SP1: variants seen among roughly 807,000 people sequenced by gnomAD.
SP1 encodes the protein transcription factor Sp1.
A neutral mutation model predicts 66.3 loss-of-function variants in SP1; 6 were observed. The observed-to-expected ratio is 0.09, with a 90% CI of 0.05 to 0.18. SP1 has a LOEUF of 0.18. Among genes scored for constraint, SP1 ranks in the 10% least tolerant of loss-of-function variants. SP1 has a pLI of 1.00. For synonymous variants in SP1, 417 were observed against 360.8 expected (o/e 1.16, Z -1.77); for missense variants, 848 against 964.5 (o/e 0.88, Z 1.60).
intron 3 of SP1, among the ~76,000 whole-genome samples, chr12:53,403,800 G>T (rs771881485): frequency 6.6e-6 from 1 of 152,068 alleles, no homozygotes; most frequent in Non-Finnish European, 1.5e-5. Flanking sequence ...GAACATTTTG[G>T]GGGGCTGAGG....
At chr12:53,390,791 T>G (rs1565810787) in intron 3 of SP1, among the ~76,000 whole-genome samples, 1 of 152,232 alleles carries the variant, frequency 6.6e-6, no homozygotes, top group Admixed American at 6.5e-5. Flanking sequence ...GCTTTCTCTT[T>G]ATAAATGACG....
chr12:53,408,472 A>G (rs1938801731), intron 4 of SP1, among the ~76,000 whole-genome samples: 1 of 151,018 alleles, frequency 6.6e-6, no homozygotes. Context: ...TGTATTTTTT[A>G]GTACAGATGA....
rs1454500773 is a variant in SP1 at position 53,411,571 on chromosome 12, C to G, written c.*331C>G. 1.1e-5 allele frequency: 2 copies of G among 189,568 alleles called. No homozygotes were observed. Among genetic ancestry groups the G allele is most frequent in the East Asian group, 1.3e-4 (1 of 7,722 alleles). 11.7% of individuals were successfully genotyped at this position (189,568 alleles called of 1,614,324 possible). Reference sequence around the variant, plus strand: ...TCTCAGCTCTTCCATGATGGATTCCCCCCCCTTTCCTAAAGCCATCATGCC... The same window carrying G: ...TCTCAGCTCTTCCATGATGGATTCCGCCCCCTTTCCTAAAGCCATCATGCC... On this transcript the variant is annotated 3_prime_UTR_variant, in exon 6 of 6. Transcript: ENST00000327443.
intron 5 of SP1, among the ~76,000 whole-genome samples, chr12:53,410,519 T>C (rs1418288620): frequency 6.6e-6 from 1 of 151,916 alleles, no homozygotes; most frequent in African/African-American, 2.4e-5. Context: ...GTTTTTTGTT[T>C]TTTTTTTGAG....
chr12:53,406,806 G>A (rs1414224684), intron 4 of SP1, 53 bp downstream of exon 4: 3 of 1,468,786 alleles, frequency 2.0e-6, no homozygotes, highest in Non-Finnish European at 2.8e-6. Flanking sequence ...TAATAGATTT[G>A]GAGATAAGAG....
intron 3 of SP1, among the ~76,000 whole-genome samples, chr12:53,391,318 C>A (rs1565810978): frequency 6.9e-6 from 1 of 144,972 alleles, no homozygotes; most frequent in Admixed American, 6.9e-5. Context: ...CCTTAGAAGA[C>A]TGAGAACTTT....
intron 3 of SP1, among the ~76,000 whole-genome samples, chr12:53,394,607 C>CTTTTTTTTTTTTTTTTTTTTTTT: frequency 1.7e-5 from 1 of 58,152 alleles, no homozygotes. Flanking sequence ...GAGATAAGGT[C>CTTTTTTTTTTTTTTTTTTTTTTT]TTTTTTTTTT....
chr12:53,406,128 A>G (rs890115229), intron 3 of SP1, among the ~76,000 whole-genome samples: 2 of 144,976 alleles, frequency 1.4e-5, no homozygotes, highest in African/African-American at 2.6e-5. Flanking sequence ...CTGGAGTACA[A>G]TGGTGCAGTC....
In SP1 at chr12:53,406,764, C is replaced by T. The variant is rs752271111; in HGVS notation, c.1844+11C>T. 11 of 1,605,018 alleles carry T rather than the reference C, an allele frequency of 6.9e-6. No individual in the cohort carries two copies. Among genetic ancestry groups the T allele is most frequent in the Non-Finnish European group, 9.4e-6 (11 of 1,174,868 alleles). On this transcript the variant is annotated intron_variant, in intron 4 of 5. Transcript: ENST00000327443. ...AGACAGTGAAGGAAGGTGAGTTGAC[C>T]CAGCCAGTTTCTTACAAATATAAAG...
chr12:53,391,322 G>A (rs945260974), intron 3 of SP1, among the ~76,000 whole-genome samples: 3 of 141,424 alleles, frequency 2.1e-5, no homozygotes, highest in Admixed American at 7.1e-5. Context: ...AGAAGACTGA[G>A]AACTTTTTTT....
intron 3 of SP1, among the ~76,000 whole-genome samples, chr12:53,386,578 C>T (rs936215622): frequency 2.7e-5 from 4 of 149,672 alleles, no homozygotes; most frequent in Non-Finnish European, 4.4e-5. Flanking sequence ...TGCAACCTCC[C>T]CTTCCTGAGT....
intron 3 of SP1, among the ~76,000 whole-genome samples, chr12:53,401,127 G>A (rs1391047492): frequency 6.6e-6 from 1 of 151,992 alleles, no homozygotes; most frequent in African/African-American, 2.4e-5. Context: ...ATCCTTGGCA[G>A]TCTTACTGTT....
chr12:53,403,491 T>TCCAGGCACACGCCA (rs958286310), intron 3 of SP1, among the ~76,000 whole-genome samples: 11 of 150,594 alleles, frequency 7.3e-5, no homozygotes, highest in Non-Finnish European at 1.6e-4. Context: ...TAGTTGGGAC[T>TCCAGGCACACGCCA]CCAGGCACAC....
At chr12:53,395,811 CAAA>C (rs372500453) in intron 3 of SP1, among the ~76,000 whole-genome samples, 26 of 110,680 alleles carry the variant, frequency 2.3e-4, no homozygotes, top group Admixed American at 3.7e-4. Context: ...ACCAAAAATA[CAAA>C]AAAAAAAAAA....
chr12:53,383,667 A>AAC, intron 3 of SP1, 45 bp downstream of exon 3: 1 of 1,481,822 alleles, frequency 6.7e-7, no homozygotes, highest in Non-Finnish European at 9.1e-7. Flanking sequence ...CAACTCTAGC[A>AAC]TCGTAGCTGA....
At chr12:53,402,385 G>A (rs1367532982) in intron 3 of SP1, among the ~76,000 whole-genome samples, 5 of 151,844 alleles carry the variant, frequency 3.3e-5, no homozygotes, top group South Asian at 2.1e-4. Context: ...CACCATGCCC[G>A]GCTAATTTTT....
Position 53,409,509 on chromosome 12 carries a change from G to A in SP1, c.1992G>A (p.Gly664=). 6.2e-7 allele frequency: 1 copy of A among 1,614,166 alleles called. No individual in the cohort carries two copies. The highest frequency in any genetic ancestry group is 1.7e-5 in the Admixed American group (1 of 60,014). ...RPFMCTWSYC[G]KRFTRSDELQ... is the part of the protein sequence containing the mutation. ...TTATGTGTACCTGGTCATACTGTGG[G>A]AAACGCTTCACACGTTCGGATGAGC... is the stretch of plus-strand genomic sequence containing the variant. The change falls in exon 5 of 6, where the codon GGG becomes GGA. Residue 664 remains glycine (G), a synonymous_variant. Coordinates refer to ENST00000327443, the MANE Select transcript of SP1 (RefSeq NM_138473.3).
chr12:53,401,459 A>G (rs191020245), intron 3 of SP1, among the ~76,000 whole-genome samples: 10,933 of 101,558 alleles, frequency 0.11, 364 homozygotes, highest in Non-Finnish European at 0.16. Context: ...CTATCTGGGA[A>G]AAAAAAAAAA....
At chr12:53,383,657 C>A in intron 3 of SP1, 35 bp downstream of exon 3, 2 of 1,529,562 alleles carry the variant, frequency 1.3e-6, no homozygotes, top group Admixed American at 1.8e-5. Context: ...TATTGGGAAC[C>A]AACTCTAGCA....
Sources: gnomAD v4.1 joint callset for allele counts (sites outside exome capture counted in the v4.1 genomes callset) on GRCh38, gnomAD v4.1.1 for gene constraint, MANE v1.5 for transcripts, NCBI Gene and HGNC (gene_info 2026-07-23, HGNC 2026-07-21) for gene names.